Variants in TNFRSF21 observed in about 807,000 individuals in gnomAD.
TNFRSF21 encodes the protein tumor necrosis factor receptor superfamily member 21.
TNFRSF21 carries 19 observed loss-of-function variants against 45.6 expected under a neutral mutation model. The observed-to-expected ratio is 0.42, with a 90% CI of 0.29 to 0.61. The LOEUF (loss-of-function observed/expected upper bound fraction) is 0.61. TNFRSF21 is among the 20% of genes least tolerant of loss of function. The pLI, the probability that TNFRSF21 is intolerant of heterozygous loss-of-function variation, is 0.23. For synonymous variants in TNFRSF21, 314 were observed against 335.5 expected (o/e 0.94, Z 0.70); for missense variants, 737 against 851.5 (o/e 0.87, Z 1.67).
At chr6:47,250,927 C>A (rs1764892412) in intron 4 of TNFRSF21, among the ~76,000 whole-genome samples, 1 of 152,212 alleles carries the variant, frequency 6.6e-6, no homozygotes, top group Non-Finnish European at 1.5e-5. Context: ...TTAACACAAA[C>A]TTTGCTTCAT....
rs548712349 is a variant in TNFRSF21 at position 47,257,022 on chromosome 6, G to A, written c.1244-3501C>T. On this transcript the variant is annotated intron_variant, in intron 3 of 5. Transcript: ENST00000296861. ...GATAAGCTGATTAACATTTTCTATA[G>A]AGTTACTTTATTTTTGGAAGTGTTC... Among the ~76,000 whole-genome samples, 25 of 152,232 alleles carry A rather than the reference G, an allele frequency of 1.6e-4. No individual in the cohort carries two copies. In the South Asian group the frequency reaches 5.2e-3, roughly 32 times the overall value.
intron 4 of TNFRSF21, among the ~76,000 whole-genome samples, chr6:47,249,893 T>G (rs114905808): frequency 0.022 from 3,356 of 150,288 alleles, 57 homozygotes; most frequent in Non-Finnish European, 0.035. Context: ...AAAAATGGAA[T>G]AAGAAAAAAA....
intron 1 of TNFRSF21, among the ~76,000 whole-genome samples, chr6:47,294,695 T>C (rs1762771615): frequency 1.1e-5 from 1 of 91,986 alleles, no homozygotes; most frequent in Non-Finnish European, 1.9e-5. Context: ...CCTCATTTCT[T>C]TCTTTTTTTT....
At chr6:47,299,759 A>C (rs935132938) in intron 1 of TNFRSF21, among the ~76,000 whole-genome samples, 1 of 152,200 alleles carries the variant, frequency 6.6e-6, no homozygotes, top group African/African-American at 2.4e-5. Context: ...AAAGCAGCAT[A>C]AATAAATTAA....
chr6:47,256,955 T>C (rs1764997723), intron 3 of TNFRSF21, among the ~76,000 whole-genome samples: 1 of 152,194 alleles, frequency 6.6e-6, no homozygotes, highest in South Asian at 2.1e-4. Context: ...TCATGTCCAT[T>C]TCCTCATGTG....
chr6:47,270,555 G>A (rs1453948509), intron 3 of TNFRSF21, among the ~76,000 whole-genome samples: 1 of 152,182 alleles, frequency 6.6e-6, no homozygotes, highest in African/African-American at 2.4e-5. Flanking sequence ...CAAAGATGGG[G>A]AGAAATCAGA....
chr6:47,262,822 A>C (rs1244338808), intron 3 of TNFRSF21, among the ~76,000 whole-genome samples: 1 of 152,178 alleles, frequency 6.6e-6, no homozygotes, highest in African/African-American at 2.4e-5. Context: ...GCAGAGAGAG[A>C]AAAAATTGGA....
At chr6:47,247,344 A>C (rs976442014) in intron 4 of TNFRSF21, among the ~76,000 whole-genome samples, 3 of 152,196 alleles carry the variant, frequency 2.0e-5, no homozygotes, top group Non-Finnish European at 4.4e-5. Context: ...TCCATGCTGC[A>C]GTAACACAGC....
chr6:47,255,548 A>C (rs1481322070), intron 3 of TNFRSF21, among the ~76,000 whole-genome samples: 1 of 151,538 alleles, frequency 6.6e-6, no homozygotes, highest in Non-Finnish European at 1.5e-5. Context: ...TGCAACCTTA[A>C]CCTCTCGAGT....
At chr6:47,266,165 C>T (rs1283062423) in intron 3 of TNFRSF21, among the ~76,000 whole-genome samples, 1 of 152,168 alleles carries the variant, frequency 6.6e-6, no homozygotes, top group Non-Finnish European at 1.5e-5. Flanking sequence ...CTGGCCCTTA[C>T]TGCTTACCCT....
Position 47,253,258 on chromosome 6 carries a change from GGGT to G in TNFRSF21, c.1504_1506del (p.Thr502del), listed in dbSNP as rs1278076363. ...ACACACAACAAGGGCTCCATTACCTGGGTGGTGTCTTCCATCAGCCCACGAATC... is the reference window on the plus strand; with the variant it reads ...ACACACAACAAGGGCTCCATTACCTGGGTGTCTTCCATCAGCCCACGAATC... On this transcript the variant is annotated inframe_deletion, in exon 4 of 6. Coordinates refer to ENST00000296861, the MANE Select transcript of TNFRSF21 (RefSeq NM_014452.5). 6.2e-7 allele frequency: 1 copy of G among 1,612,258 alleles called. No individual in the cohort carries two copies. Among genetic ancestry groups the G allele is most frequent in the South Asian group, 1.1e-5 (1 of 90,758 alleles).
chr6:47,233,163 A>G (rs1436703174), intron 5 of TNFRSF21, among the ~76,000 whole-genome samples, 169 bp from the exon 6 acceptor site: 1 of 152,144 alleles, frequency 6.6e-6, no homozygotes, highest in Non-Finnish European at 1.5e-5. Flanking sequence ...CACATTCGAA[A>G]CAACACAAGA....
chr6:47,264,178 CA>C (rs1303597845), intron 3 of TNFRSF21, among the ~76,000 whole-genome samples: 1 of 152,158 alleles, frequency 6.6e-6, no homozygotes, highest in African/African-American at 2.4e-5. Flanking sequence ...ATATCCCAAA[CA>C]GCTTAAATTT....
chr6:47,244,166 C>A (rs2113846087), intron 4 of TNFRSF21, among the ~76,000 whole-genome samples: 2 of 151,522 alleles, frequency 1.3e-5, no homozygotes, highest in South Asian at 4.2e-4. Context: ...CTAAAAAATA[C>A]AAAAAAAATT....
intron 3 of TNFRSF21, among the ~76,000 whole-genome samples, chr6:47,267,923 C>A (rs1034159442): frequency 2.6e-5 from 4 of 152,196 alleles, no homozygotes; most frequent in African/African-American, 9.7e-5. Flanking sequence ...GAATATGTCT[C>A]TCCATCAACC....
In TNFRSF21 at chr6:47,232,318, G is replaced by A. The variant is rs1169959251; in HGVS notation, c.*447C>T. On this transcript the variant is annotated 3_prime_UTR_variant, in exon 6 of 6. Coordinates refer to ENST00000296861, the MANE Select transcript of TNFRSF21 (RefSeq NM_014452.5). ...GTGAATGTTAAGAGACATAAAGACTGCTTATAGGATTCACAAGATGCCATT... is the reference window on the plus strand; with the variant it reads ...GTGAATGTTAAGAGACATAAAGACTACTTATAGGATTCACAAGATGCCATT... 1.3e-5 allele frequency: 2 copies of A among 155,846 alleles called. No homozygotes were observed. 9.7% of individuals were successfully genotyped at this position (155,846 alleles called of 1,614,324 possible).
intron 3 of TNFRSF21, among the ~76,000 whole-genome samples, chr6:47,272,972 T>C (rs911810363): frequency 2.0e-5 from 3 of 152,136 alleles, no homozygotes; most frequent in African/African-American, 7.2e-5. Context: ...AGGAGGAAGT[T>C]GAATCTCTGA....
chr6:47,245,025 G>A (rs573134657), intron 4 of TNFRSF21, among the ~76,000 whole-genome samples: 1 of 152,320 alleles, frequency 6.6e-6, no homozygotes, highest in East Asian at 1.9e-4. Context: ...AATTGATGGA[G>A]AAAATAAGCT....
chr6:47,253,965 T>C (rs1461970268), intron 3 of TNFRSF21, among the ~76,000 whole-genome samples: 2 of 152,202 alleles, frequency 1.3e-5, no homozygotes, highest in Non-Finnish European at 2.9e-5. Context: ...TTCTTCACAA[T>C]GTATGGATAG....
Sources: gnomAD v4.1 joint callset for allele counts (sites outside exome capture counted in the v4.1 genomes callset) on GRCh38, gnomAD v4.1.1 for gene constraint, MANE v1.5 for transcripts, NCBI Gene and HGNC (gene_info 2026-07-23, HGNC 2026-07-21) for gene names.